The following MUC4 variants were observed in gnomAD, a reference collection of about 807,000 sequenced individuals.
MUC4 encodes mucin-4.
In MUC4, 202 loss-of-function variants were observed where a neutral mutation model predicts 257.9. The observed-to-expected ratio is 0.78, with a 90% confidence interval of 0.70 to 0.88. MUC4 has a LOEUF of 0.88. MUC4 is among the 40% of genes least tolerant of loss of function. MUC4 has a pLI of 0.00. For synonymous variants in MUC4, 2,351 were observed against 2,757.1 expected (o/e 0.85, Z 4.62); for missense variants, 5,976 against 6,513.7 (o/e 0.92, Z 2.84).
Position 195,788,863 on chromosome 3 carries a change from C to G in MUC4, c.2717G>C (p.Arg906Pro). The change falls in exon 2 of 25, where the codon CGG becomes CCG. Residue 906 changes from arginine (R) to proline (P), a missense_variant. Arg to Pro is a moderately radical substitution (Grantham distance 103). This residue lies in a region of MUC4 where 1,583 missense variants were observed against 1,257.4 expected (regional missense o/e 1.26). Transcript: ENST00000463781. ...TCTTGTCCTCTGAGTCTGGGCCATC[C>G]GGGAAATGGCGGCTGTCTCCTGAGG... is the stretch of plus-strand genomic sequence containing the variant. ...ASPQETAAIS[R>P]MAQTQRTRTS... The G allele has an allele frequency of 1.9e-6, 3 of 1,613,748 alleles. No individual in the cohort carries two copies. Among genetic ancestry groups the G allele is most frequent in the Non-Finnish European group, 1.7e-6 (2 of 1,179,812 alleles).
intron 24 of MUC4, 117 bp downstream of exon 24, chr3:195,748,785 T>C (rs1715704511): frequency 1.5e-6 from 2 of 1,325,112 alleles, no homozygotes; most frequent in Non-Finnish European, 2.0e-6. Context: ...TCCACTGTCC[T>C]CTCTTCCCTG....
At chr3:195,778,192 CG>C in intron 3 of MUC4, 110 bp downstream of exon 3, 2 of 1,373,006 alleles carry the variant, frequency 1.5e-6, no homozygotes, top group Non-Finnish European at 2.0e-6. Flanking sequence ...TCCCTGTCCT[CG>C]GTAAGGCCCT....
chr3:195,764,261 G>A (rs1578025782), intron 10 of MUC4, 97 bp from the exon 11 acceptor site: 1 of 1,029,154 alleles, frequency 9.7e-7, no homozygotes, highest in East Asian at 8.8e-5. Flanking sequence ...GCAGGGCGGT[G>A]TTGGTGGAGA....
chr3:195,775,964 C>T (rs1424497236), intron 3 of MUC4, among the ~76,000 whole-genome samples: 73 of 29,610 alleles, frequency 2.5e-3, no homozygotes, highest in East Asian at 5.6e-3. Context: ...ACCTTCCACA[C>T]CCATACCTTC....
Position 195,763,451 on chromosome 3 carries a change from G to A in MUC4, c.14235C>T (p.Ser4745=). Residue 4745 remains serine, a synonymous_variant, in exon 12 of 25, where the codon AGC becomes AGT. Coordinates refer to ENST00000463781, the MANE Select transcript of MUC4 (RefSeq NM_018406.7). The stretch of plus-strand genomic sequence containing the variant: ...CACTCACCGTGACGGGGCCCAGGCT[G>A]CTGGAGCGGTACTGAGCCGCAAAGG... ...FIAFAAQYRS[S]SLGPVTVQWL... 3 of 1,434,688 alleles carry A rather than the reference G, an allele frequency of 2.1e-6. No individual in the cohort carries two copies. Among genetic ancestry groups the A allele is most frequent in the South Asian group, 1.5e-5 (1 of 64,990 alleles). The allele number at this position is 1,434,688 out of a possible 1,614,324, so 88.9% of individuals were successfully genotyped here. A position where few individuals can be genotyped will look rare whatever the true frequency, so the allele number is the denominator to read the frequency against.
rs1720230975 is a variant in MUC4, at chr3:195,765,441, C to G, written c.13627G>C (p.Gly4543Arg). 1 of 1,612,022 alleles carries G rather than the reference C, an allele frequency of 6.2e-7. No individual in the cohort carries two copies. The highest frequency in any genetic ancestry group is 1.7e-5 in the Admixed American group (1 of 59,922). The change falls in exon 9 of 25, where the codon GGG (glycine) becomes CGG (arginine). Residue 4543 changes from glycine (G) to arginine (R), a missense_variant. By Grantham distance (125) the Gly-to-Arg change is moderately radical. Transcript: ENST00000463781. The part of the protein sequence containing the change: ...RFLNSNSGLQ[G>R]LQFYRLHREE... ...CGGTGTAGCCTGTAGAACTGCAGCC[C>G]TTGGAGGCCTGAGGTCGGGGATGGG...
chr3:195,802,798 G>A (rs999254930), intron 1 of MUC4, among the ~76,000 whole-genome samples: 5 of 152,198 alleles, frequency 3.3e-5, no homozygotes, highest in African/African-American at 1.2e-4. Flanking sequence ...GTTTCTGCGG[G>A]AGACATTGTT....
At chr3:195,796,467 C>T (rs1317725350) in intron 1 of MUC4, among the ~76,000 whole-genome samples, 4 of 151,992 alleles carry the variant, frequency 2.6e-5, no homozygotes, top group Non-Finnish European at 5.9e-5. Context: ...AATCCTAACA[C>T]GTTGGGAGGG....
intron 5 of MUC4, chr3:195,770,735 G>T: frequency 2.4e-6 from 1 of 413,566 alleles, no homozygotes; most frequent in Non-Finnish European, 4.7e-6. Context: ...TCCTCTTGGA[G>T]CCTCCACACT....
chr3:195,799,038 T>C (rs997246253), intron 1 of MUC4, among the ~76,000 whole-genome samples: 11 of 152,160 alleles, frequency 7.2e-5, no homozygotes, highest in African/African-American at 2.4e-4. Flanking sequence ...GTTGTTACCC[T>C]TCCCATTTTC....
intron 3 of MUC4, among the ~76,000 whole-genome samples, chr3:195,777,572 A>G: frequency 1.4e-5 from 2 of 141,032 alleles, no homozygotes; most frequent in Non-Finnish European, 1.5e-5. Flanking sequence ...TTCCACACCC[A>G]TACCTTCCAC....
chr3:195,774,138 A>C, intron 4 of MUC4, 34 bp downstream of exon 4: 2 of 1,573,078 alleles, frequency 1.3e-6, no homozygotes, highest in Non-Finnish European at 8.6e-7. Context: ...GGGCCCTGGG[A>C]GTTCAGGCTG....
At chr3:195,761,682 G>A in intron 14 of MUC4, 97 bp from the exon 15 acceptor site, 1 of 931,278 alleles carries the variant, frequency 1.1e-6, no homozygotes. Context: ...CCAGGGCCTG[G>A]CAGCCTCTGC....
intron 18 of MUC4, among the ~76,000 whole-genome samples, chr3:195,756,634 CCTT>C (rs1717715282): frequency 7.2e-6 from 1 of 138,990 alleles, no homozygotes; most frequent in African/African-American, 2.7e-5. Context: ...TTCTTTCCCT[CCTT>C]CTTTCTTTCT....
At chr3:195,754,521 AG>A in intron 18 of MUC4, 149 bp from the exon 19 acceptor site, 1 of 1,110,888 alleles carries the variant, frequency 9.0e-7, no homozygotes, top group Non-Finnish European at 1.2e-6. Context: ...CTTCTTGACC[AG>A]GCCGTGGGGC....
At chr3:195,804,192 T>C (rs894680698) in intron 1 of MUC4, among the ~76,000 whole-genome samples, 2 of 152,230 alleles carry the variant, frequency 1.3e-5, no homozygotes, top group Non-Finnish European at 2.9e-5. Context: ...CTGTCAAGCC[T>C]CTGCCATCAC....
At chr3:195,749,654 C>G (rs1366845875) in intron 23 of MUC4, among the ~76,000 whole-genome samples, 4 of 152,198 alleles carry the variant, frequency 2.6e-5, no homozygotes, top group African/African-American at 9.6e-5. Context: ...TCAAACATAC[C>G]ATCATAATAT....
intron 5 of MUC4, 124 bp from the exon 6 acceptor site, chr3:195,770,495 C>G: frequency 9.1e-7 from 1 of 1,099,498 alleles, no homozygotes; most frequent in Non-Finnish European, 1.3e-6. Context: ...TCCCCTGTCC[C>G]AGGCCTGCAT....
intron 1 of MUC4, among the ~76,000 whole-genome samples, chr3:195,800,502 A>G (rs1735161078): frequency 6.6e-6 from 1 of 152,182 alleles, no homozygotes; most frequent in Non-Finnish European, 1.5e-5. Context: ...GGAGGAAGAG[A>G]TTAGCATTCG....
Sources: allele counts gnomAD v4.1 joint callset (sites outside exome capture counted in the v4.1 genomes callset), GRCh38; gene constraint gnomAD v4.1.1; regional missense constraint gnomAD v4.1.1; transcripts MANE v1.5; gene names NCBI Gene and HGNC (gene_info 2026-07-23, HGNC 2026-07-21).